The following GATA4 variants were observed in gnomAD, a reference collection of about 807,000 sequenced individuals.
GATA4 encodes transcription factor GATA-4.
GATA4 carries 7 observed loss-of-function variants against 37.9 expected under a neutral mutation model. That is an observed-to-expected ratio of 0.18 (90% CI 0.11 to 0.35). The LOEUF (loss-of-function observed/expected upper bound fraction) is 0.35. Among genes scored for constraint, GATA4 ranks in the 10% least tolerant of loss-of-function variants. GATA4 has a pLI of 1.00. For missense variants in GATA4, 647 were observed against 653.0 expected, an observed-to-expected ratio of 0.99 and a Z score of 0.10; for synonymous variants, 372 against 292.6, an observed-to-expected ratio of 1.27 and a Z score of -2.77.
At chr8:11,680,933 C>G in intron 1 of GATA4, 1 of 985,402 alleles carries the variant, frequency 1.0e-6, no homozygotes, top group Non-Finnish European at 1.2e-6. Context: ...GGTGTTTCAT[C>G]AAAATGGTCA....
chr8:11,743,686 T>C (rs1244535289), intron 2 of GATA4, among the ~76,000 whole-genome samples: 2 of 152,178 alleles, frequency 1.3e-5, no homozygotes, highest in African/African-American at 2.4e-5. Flanking sequence ...ATGGAGCAGG[T>C]CAGAGGAGAG....
At chr8:11,723,361 C>A (rs918163543) in intron 2 of GATA4, among the ~76,000 whole-genome samples, 2 of 151,810 alleles carry the variant, frequency 1.3e-5, no homozygotes, top group African/African-American at 4.8e-5. Flanking sequence ...AACAAAAAAA[C>A]CTCATGGGTT....
At chr8:11,737,350 G>T (rs1245533060) in intron 2 of GATA4, among the ~76,000 whole-genome samples, 1 of 152,198 alleles carries the variant, frequency 6.6e-6, no homozygotes. Flanking sequence ...TCCTCCTGAC[G>T]GCAGGCCATG....
chr8:11,727,920 G>A (rs937199230), intron 2 of GATA4, among the ~76,000 whole-genome samples: 20 of 152,176 alleles, frequency 1.3e-4, no homozygotes, highest in African/African-American at 4.8e-4. Context: ...CTCCATAGAG[G>A]CTAAGAAATA....
chr8:11,741,375 A>G (rs1190776699), intron 2 of GATA4, among the ~76,000 whole-genome samples: 3 of 152,010 alleles, frequency 2.0e-5, no homozygotes, highest in African/African-American at 7.2e-5. Flanking sequence ...GCTACTCAGG[A>G]GGTTCAGGCA....
At chr8:11,685,360 T>C (rs1012253243) in intron 1 of GATA4, among the ~76,000 whole-genome samples, 2 of 152,250 alleles carry the variant, frequency 1.3e-5, no homozygotes, top group African/African-American at 4.8e-5. Flanking sequence ...GTTATACTTT[T>C]CTGTATTTCC....
At chr8:11,722,573 C>A (rs1040692510) in intron 2 of GATA4, among the ~76,000 whole-genome samples, 1 of 152,214 alleles carries the variant, frequency 6.6e-6, no homozygotes, top group Non-Finnish European at 1.5e-5. Context: ...GTTTCTCTTT[C>A]ATCTCCTTTT....
At chr8:11,688,011 A>G (rs1272645114), upstream of GATA4, among the ~76,000 whole-genome samples, 8 of 152,242 alleles carry the variant, frequency 5.3e-5, no homozygotes, top group Non-Finnish European at 1.0e-4. Flanking sequence ...TATTTTAAGC[A>G]GGTTAATAAG....
In GATA4 at chr8:11,707,947, G is replaced by C. The variant is rs1563199085; in HGVS notation, c.-366G>C. On this transcript the variant is annotated 5_prime_UTR_variant, in exon 2 of 7. Transcript: ENST00000532059. This position sits in a 1 kb window ranked among gnomAD's most constrained non-coding sequence, Gnocchi z 4.7. ...CTGGAGGCCTCTCGGTGTGACGAGTGGGGGACCCGAAGGCTCGTGCGCCAC... is the reference window on the plus strand; with the variant it reads ...CTGGAGGCCTCTCGGTGTGACGAGTCGGGGACCCGAAGGCTCGTGCGCCAC... 3.0e-6 allele frequency: 1 copy of C among 331,884 alleles called. No individual in the cohort carries two copies. Among genetic ancestry groups the C allele is most frequent in the Non-Finnish European group, 5.8e-6 (1 of 172,892 alleles). The allele number at this position is 331,884 out of a possible 1,614,324, so 20.6% of individuals were successfully genotyped here.
upstream of GATA4, among the ~76,000 whole-genome samples, chr8:11,688,499 C>A (rs1323259385): frequency 6.6e-6 from 1 of 151,194 alleles, no homozygotes; most frequent in African/African-American, 2.4e-5. Flanking sequence ...ATAAAGCACA[C>A]ATGCATGCAT....
In GATA4 at chr8:11,707,417, C is replaced by T. The variant is rs185620194; in HGVS notation, c.-457-439C>T. Among the ~76,000 whole-genome samples, 442 of 151,980 alleles carry T rather than the reference C, an allele frequency of 2.9e-3. 5 individuals are homozygous for T. The highest frequency in any genetic ancestry group is 9.8e-3 in the African/African-American group (405 of 41,446). On this transcript the variant is annotated intron_variant, in intron 1 of 6. Transcript: ENST00000532059. The surrounding 1 kb of genome is among the most constrained non-coding windows in gnomAD (Gnocchi z 4.7). ...AGGACAATCTAAAGTTCTTTCTAGG[C>T]CAGTCTCCCCATCTTTCTTGGGGAG... is the stretch of plus-strand genomic sequence containing the variant.
At position 11,758,656 on chromosome 8, in the gene GATA4, A is replaced by G. The variant is rs1053918468; in HGVS notation, c.*181A>G. ...GGAAGCGGGTGTTGGATTTTCTCAGATGCCTTTACACGCTGATGGGACTGG... is the reference window on the plus strand; with the variant it reads ...GGAAGCGGGTGTTGGATTTTCTCAGGTGCCTTTACACGCTGATGGGACTGG... On this transcript the variant is annotated 3_prime_UTR_variant, in exon 7 of 7. Coordinates refer to ENST00000532059, the MANE Select transcript of GATA4 (RefSeq NM_001308093.3). 39 of 670,846 alleles carry G rather than the reference A, an allele frequency of 5.8e-5. No homozygotes were observed. The highest frequency in any genetic ancestry group is 3.9e-4 in the Middle Eastern group (1 of 2,554). The allele number at this position is 670,846 out of a possible 1,614,324, so 41.6% of individuals were successfully genotyped here.
intron 2 of GATA4, among the ~76,000 whole-genome samples, chr8:11,734,552 C>A (rs908063045): frequency 2.6e-5 from 4 of 152,226 alleles, no homozygotes; most frequent in East Asian, 3.9e-4. Flanking sequence ...AATGGCGCAA[C>A]CTCGGCTCAC....
At chr8:11,725,904 G>T (rs1291477530) in intron 2 of GATA4, among the ~76,000 whole-genome samples, 1 of 152,216 alleles carries the variant, frequency 6.6e-6, no homozygotes, top group African/African-American at 2.4e-5. Context: ...TGTGTGGCTT[G>T]TCTCTGCATG....
intron 2 of GATA4, among the ~76,000 whole-genome samples, chr8:11,717,484 C>T (rs561127344): frequency 1.3e-5 from 2 of 152,166 alleles, no homozygotes; most frequent in East Asian, 3.8e-4. Context: ...CAGAAAGAGC[C>T]TGTAATCTCA....
upstream of GATA4, chr8:11,692,574 G>T: frequency 1.0e-6 from 1 of 985,348 alleles, no homozygotes; most frequent in African/African-American, 1.7e-5. Context: ...CGGCGGCTCC[G>T]CCTGGGAGGG....
chr8:11,711,195 A>T (rs1800167353), intron 2 of GATA4, among the ~76,000 whole-genome samples: 1 of 152,208 alleles, frequency 6.6e-6, no homozygotes, highest in African/African-American at 2.4e-5. Context: ...GTTGCTGATG[A>T]AGTGATGTTT....
upstream of GATA4, among the ~76,000 whole-genome samples, chr8:11,703,528 A>T (rs904229513): frequency 2.6e-5 from 4 of 152,230 alleles, no homozygotes; most frequent in Non-Finnish European, 5.9e-5. Context: ...AGGGGGAAAG[A>T]TTAGAAGAGA....
intron 2 of GATA4, among the ~76,000 whole-genome samples, chr8:11,729,493 C>A (rs557151623): frequency 1.7e-3 from 259 of 150,230 alleles, no homozygotes; most frequent in African/African-American, 6.1e-3. Context: ...CATTTGAACC[C>A]AGGACACAGA....
Sources: gnomAD v4.1 joint callset for allele counts (sites outside exome capture counted in the v4.1 genomes callset) on GRCh38, gnomAD v4.1.1 for gene constraint, Gnocchi (gnomAD v3.1) non-coding constraint, MANE v1.5 for transcripts, NCBI Gene and HGNC (gene_info 2026-07-23, HGNC 2026-07-21) for gene names.